The following MYO7B variants were observed in gnomAD, a reference collection of about 807,000 sequenced individuals.
MYO7B encodes unconventional myosin-VIIb.
MYO7B carries 212 observed loss-of-function variants against 259.7 expected under a neutral mutation model. The ratio of observed to expected loss-of-function variants is 0.82; its 90% CI spans 0.73 to 0.91. The LOEUF is 0.91. Ranked by LOEUF, MYO7B falls within the 40% of genes least tolerant of loss-of-function variation. The pLI is 0.00. For missense variants in MYO7B, 2,732 were observed against 2,813.5 expected (o/e 0.97, Z 0.66); for synonymous variants, 1,197 against 1,166.4 (o/e 1.03, Z -0.54).
At position 127,625,481 on chromosome 2, in the gene MYO7B, C is replaced by T. The variant is rs1423016164; in HGVS notation, c.4161C>T (p.Tyr1387=). 1.1e-5 allele frequency: 18 copies of T among 1,611,976 alleles called. No individual in the cohort carries two copies. Among genetic ancestry groups the T allele is most frequent in the South Asian group, 5.5e-5 (5 of 91,020 alleles). ...CCAGCTGCATCCCCCACAAGCTGTA[C>T]AGGACCAAGCCCCCAGACAGGTGGG... The part of the protein sequence containing the change: ...LLPSCIPHKL[Y]RTKPPDRWAS... Residue 1387 remains tyrosine, a synonymous_variant, in exon 31 of 48, where the codon TAC becomes TAT. Coordinates refer to ENST00000409816, the MANE Select transcript of MYO7B (RefSeq NM_001393586.1).
intron 2 of MYO7B, 46 bp from the exon 3 acceptor site, chr2:127,564,107 G>C: frequency 7.5e-7 from 1 of 1,333,404 alleles, no homozygotes; most frequent in Non-Finnish European, 1.0e-6. Context: ...GCAGGGAGGG[G>C]AAGAGAGAGC....
chr2:127,627,264 C>G lies in MYO7B; in HGVS notation c.4414C>G (p.Leu1472Val), dbSNP rs1681184577. ...CTTCCTGGACCAGCAGGAGAAGATG[C>G]TGCTGGAACTCTCTTTCCCAGAGGT... ...LCFLDQQEKM[L>V]LELSFPEVMG... Residue 1472 changes from leucine to valine, a missense_variant, in exon 33 of 48, where the codon CTG becomes GTG. Around this residue, in one of 3 missense-constraint regions of MYO7B, gnomAD observed 1,906 missense variants for 2,026.4 expected, o/e 0.94. Transcript: ENST00000409816. The surrounding 1 kb of genome is among the most constrained non-coding windows in gnomAD (Gnocchi z 5.6). The G allele has an allele frequency of 3.1e-6, 5 of 1,612,672 alleles. No homozygotes were observed. The highest frequency in any genetic ancestry group is 4.2e-6 in the Non-Finnish European group (5 of 1,179,548).
In MYO7B at chr2:127,628,152, C is replaced by T. The variant is rs1681251651; in HGVS notation, c.4461-220C>T. The T allele has an allele frequency of 2.9e-6, 2 of 686,116 alleles. No individual in the cohort carries two copies. The highest frequency in any genetic ancestry group is 5.3e-6 in the Non-Finnish European group (2 of 377,512). 42.5% of individuals were successfully genotyped at this position (686,116 alleles called of 1,614,324 possible). A position where few individuals can be genotyped will look rare whatever the true frequency, so the allele number is the denominator to read the frequency against. On this transcript the variant is annotated intron_variant, in intron 33 of 47. Coordinates refer to ENST00000409816, the MANE Select transcript of MYO7B (RefSeq NM_001393586.1). The surrounding 1 kb of genome is among the most constrained non-coding windows in gnomAD (Gnocchi z 4.8). ...TTATCTGCCCACAGCCAACCCCACACATGGGCTGCACCACTCTCAGCCTCC... is the reference window on the plus strand; with the variant it reads ...TTATCTGCCCACAGCCAACCCCACATATGGGCTGCACCACTCTCAGCCTCC...
rs1227277235 is a variant in MYO7B at position 127,584,778 on chromosome 2, G to A, written c.1555G>A (p.Gly519Arg). 1 of 1,613,684 alleles carries A rather than the reference G, an allele frequency of 6.2e-7. No individual in the cohort carries two copies. The highest frequency in any genetic ancestry group is 2.2e-5 in the East Asian group (1 of 44,890). ...CCACAGGGTGTCTGGGTTCTTCCAGGGGACAGATCTCACCATGCTGCAAAA... is the reference window on the plus strand; with the variant it reads ...CCACAGGGTGTCTGGGTTCTTCCAGAGGACAGATCTCACCATGCTGCAAAA... ...LLDEESRFPQGTDLTMLQKLN... is the reference protein window; with the variant it reads ...LLDEESRFPQRTDLTMLQKLN... The change falls in exon 14 of 48, where the codon GGG becomes AGG. Residue 519 changes from glycine to arginine, a missense_variant and splice_region_variant. Physicochemically the swap from Gly to Arg is moderately radical, Grantham distance 125. This residue lies in a region of MYO7B where 1,906 missense variants were observed against 2,026.4 expected (regional missense o/e 0.94). Coordinates refer to ENST00000409816, the MANE Select transcript of MYO7B (RefSeq NM_001393586.1). This position sits in a 1 kb window ranked among gnomAD's most constrained non-coding sequence, Gnocchi z 5.8.
chr2:127,596,342 TG>T, intron 18 of MYO7B, 119 bp from the exon 19 acceptor site: 1 of 786,450 alleles, frequency 1.3e-6, no homozygotes, highest in Non-Finnish European at 2.1e-6. Context: ...CCCCCTTCTC[TG>T]GCCTGCCCTC....
intron 4 of MYO7B, among the ~76,000 whole-genome samples, 155 bp downstream of exon 4, chr2:127,565,540 C>T (rs1678298073): frequency 6.6e-6 from 1 of 152,226 alleles, no homozygotes; most frequent in Non-Finnish European, 1.5e-5. Flanking sequence ...CTCTGCTGCC[C>T]AGTCCCAAAC....
chr2:127,616,413 C>G (rs1680573705), intron 26 of MYO7B, among the ~76,000 whole-genome samples: 2 of 152,168 alleles, frequency 1.3e-5, no homozygotes, highest in South Asian at 2.1e-4. Flanking sequence ...GAGAAGGGTA[C>G]AATTTACAGG....
In MYO7B at chr2:127,634,836, G is replaced by A. The variant is rs1411276759; in HGVS notation, c.5713+153G>A. On this transcript the variant is annotated intron_variant, in intron 42 of 47. Transcript: ENST00000409816. ...CAACCAGGCCCTGGGGCCCGGCGGT[G>A]AGGGCCAGCTCAGGCAGAAACAGGT... 3 of 749,602 alleles carry A rather than the reference G, an allele frequency of 4.0e-6. No individual in the cohort carries two copies. In the African/African-American group the frequency reaches 5.2e-5, roughly 13 times the overall value. 46.4% of individuals were successfully genotyped at this position (749,602 alleles called of 1,614,324 possible).
In MYO7B at chr2:127,559,666, T is replaced by A. The variant is rs941573815; in HGVS notation, c.-23-34T>A. 1 of 1,609,970 alleles carries A rather than the reference T, an allele frequency of 6.2e-7. No individual in the cohort carries two copies. Among genetic ancestry groups the A allele is most frequent in the East Asian group, 2.2e-5 (1 of 44,876 alleles). On this transcript the variant is annotated intron_variant, in intron 1 of 47. Transcript: ENST00000409816. This position sits in a 1 kb window ranked among gnomAD's most constrained non-coding sequence, Gnocchi z 4.1. ...CAGGGGCTCCTATTGGGGCTGTGTA[T>A]GGAGCTGACGTTCTGCTTTCTCTCT... is the stretch of plus-strand genomic sequence containing the variant.
intron 26 of MYO7B, among the ~76,000 whole-genome samples, chr2:127,616,064 C>T (rs1004344790): frequency 2.6e-5 from 4 of 152,240 alleles, no homozygotes; most frequent in Admixed American, 1.3e-4. Context: ...GGAGGCATGC[C>T]GTTGCTGAAG....
At chr2:127,617,359 AGAG>A (rs948596924) in intron 26 of MYO7B, among the ~76,000 whole-genome samples, 16 of 151,742 alleles carry the variant, frequency 1.1e-4, no homozygotes, top group Admixed American at 2.6e-4. Flanking sequence ...CAAACAAAAA[AGAG>A]AAGAGAACCA....
Position 127,627,447 on chromosome 2 carries a change from T to C in MYO7B, c.4460+137T>C, listed in dbSNP as rs753242073. 8.3e-7 allele frequency: 1 copy of C among 1,206,018 alleles called. No individual in the cohort carries two copies. The highest frequency in any genetic ancestry group is 1.3e-5 in the South Asian group (1 of 74,868). The allele number at this position is 1,206,018 out of a possible 1,614,324, so 74.7% of individuals were successfully genotyped here. ...GGGTGGAGGGACAAGAATCTACGTA[T>C]GCGATGGCTTCTGTACTTCGGAGCC... is the stretch of plus-strand genomic sequence containing the variant. On this transcript the variant is annotated intron_variant, in intron 33 of 47. Coordinates refer to ENST00000409816, the MANE Select transcript of MYO7B (RefSeq NM_001393586.1). The surrounding 1 kb of genome is among the most constrained non-coding windows in gnomAD (Gnocchi z 5.6).
rs1046925732 is a variant in MYO7B at position 127,614,879 on chromosome 2, C to T, written c.3398+2276C>T. On this transcript the variant is annotated intron_variant, in intron 26 of 47. Coordinates refer to ENST00000409816, the MANE Select transcript of MYO7B (RefSeq NM_001393586.1). The surrounding 1 kb of genome is among the most constrained non-coding windows in gnomAD (Gnocchi z 4.6). ...ACAAGAATGTGTCTCTTTAGAACGT[C>T]GGATATGAGCATCCATTTGTCCTTG... 2.0e-5 allele frequency among the ~76,000 whole-genome samples: 3 copies of T among 152,194 alleles called. No individual in the cohort carries two copies. The highest frequency in any genetic ancestry group is 1.9e-4 in the East Asian group (1 of 5,196).
At chr2:127,579,206 C>T in intron 9 of MYO7B, among the ~76,000 whole-genome samples, 1 of 151,730 alleles carries the variant, frequency 6.6e-6, no homozygotes, top group Admixed American at 6.6e-5. Context: ...TCATTGGAGT[C>T]CTAAAGGAAA....
At chr2:127,563,772 G>T (rs2104861181) in intron 2 of MYO7B, among the ~76,000 whole-genome samples, 1 of 152,288 alleles carries the variant, frequency 6.6e-6, no homozygotes, top group South Asian at 2.1e-4. Context: ...TGATTTCTGA[G>T]AGGATGCAAC....
intron 1 of MYO7B, among the ~76,000 whole-genome samples, chr2:127,549,621 A>G (rs1218727705): frequency 6.6e-6 from 1 of 152,198 alleles, no homozygotes; most frequent in Non-Finnish European, 1.5e-5. Flanking sequence ...GGGCAGAAGC[A>G]GGTTTGGGGA....
In MYO7B at chr2:127,611,600, C is replaced by G. The variant is rs1315947071; in HGVS notation, c.3193-650C>G. On this transcript the variant is annotated intron_variant, in intron 24 of 47. Transcript: ENST00000409816. This position sits in a 1 kb window ranked among gnomAD's most constrained non-coding sequence, Gnocchi z 5.4. ...CCCCTGCACGGTAAACCAGCTTTGA[C>G]GCACCCAGGAGCTGGTGCCTGGCCC... Among the ~76,000 whole-genome samples the G allele has an allele frequency of 6.6e-6, 1 of 152,180 alleles. No homozygotes were observed. Among genetic ancestry groups the G allele is most frequent in the Non-Finnish European group, 1.5e-5 (1 of 68,034 alleles).
At chr2:127,562,597 C>T (rs969416355) in intron 2 of MYO7B, among the ~76,000 whole-genome samples, 22 of 148,918 alleles carry the variant, frequency 1.5e-4, no homozygotes, top group African/African-American at 5.4e-4. Context: ...AAGCAATTCT[C>T]CTGCGTCAGC....
Position 127,607,198 on chromosome 2 carries a change from CT to C in MYO7B, c.2425-7del. 6.5e-7 allele frequency: 1 copy of C among 1,544,852 alleles called. No homozygotes were observed. The highest frequency in any genetic ancestry group is 8.7e-7 in the Non-Finnish European group (1 of 1,143,936). On this transcript the variant is annotated splice_polypyrimidine_tract_variant and splice_region_variant and intron_variant, in intron 20 of 47. Coordinates refer to ENST00000409816, the MANE Select transcript of MYO7B (RefSeq NM_001393586.1). This position sits in a 1 kb window ranked among gnomAD's most constrained non-coding sequence, Gnocchi z 4.4. ...GCCCCTGATCTCACCTCTCTCTTGCCTCCGCAGATCCTCGTGGGCTTTGAGC... is the reference window on the plus strand; with the variant it reads ...GCCCCTGATCTCACCTCTCTCTTGCCCCGCAGATCCTCGTGGGCTTTGAGC...
Sources: gnomAD v4.1 joint callset for allele counts (sites outside exome capture counted in the v4.1 genomes callset) on GRCh38, gnomAD v4.1.1 for gene constraint, gnomAD v4.1.1 regional missense constraint, Gnocchi (gnomAD v3.1) non-coding constraint, MANE v1.5 for transcripts, NCBI Gene and HGNC (gene_info 2026-07-23, HGNC 2026-07-21) for gene names.